Variants in COMMD10 observed in about 807,000 individuals in gnomAD.
The protein encoded by COMMD10 is COMM domain containing 10.
In COMMD10, 33 loss-of-function variants were observed where a neutral mutation model predicts 28.9. The ratio of observed to expected loss-of-function variants is 1.14; its 90% CI spans 0.87 to 1.53. The LOEUF (loss-of-function observed/expected upper bound fraction) is 1.53. Ranked by LOEUF, COMMD10 falls within the 40% of genes most tolerant of loss-of-function variation. COMMD10 has a pLI of 0.00. For missense variants in COMMD10, 310 were observed against 233.4 expected (o/e 1.33, Z -2.14); for synonymous variants, 110 against 81.7 (o/e 1.35, Z -1.87).
chr5:116,201,075 G>A (rs1748653284), intron 5 of COMMD10, among the ~76,000 whole-genome samples: 2 of 152,122 alleles, frequency 1.3e-5, no homozygotes, highest in African/African-American at 2.4e-5. Flanking sequence ...GATGGCTAGA[G>A]TGAGCTGGAG....
intron 4 of COMMD10, among the ~76,000 whole-genome samples, chr5:116,119,863 C>T (rs1477888375): frequency 2.0e-5 from 3 of 152,022 alleles, no homozygotes; most frequent in Non-Finnish European, 2.9e-5. Flanking sequence ...CAATTGGTCC[C>T]CCTGCCTCAG....
chr5:116,086,115 G>T (rs1203453822), intron 1 of COMMD10, among the ~76,000 whole-genome samples: 1 of 152,132 alleles, frequency 6.6e-6, no homozygotes, highest in African/African-American at 2.4e-5. Context: ...TTGGTTACTT[G>T]GTGTACTCCC....
chr5:116,151,318 C>T (rs1413552091), intron 5 of COMMD10, among the ~76,000 whole-genome samples: 2 of 151,838 alleles, frequency 1.3e-5, no homozygotes, highest in African/African-American at 2.4e-5. Context: ...GTCTAAAATT[C>T]TCTTTTTTGG....
At chr5:116,157,178 C>G (rs932245380) in intron 5 of COMMD10, among the ~76,000 whole-genome samples, 1 of 152,118 alleles carries the variant, frequency 6.6e-6, no homozygotes, top group Non-Finnish European at 1.5e-5. Flanking sequence ...CACTGTTTTT[C>G]AAGCTGAAGG....
chr5:116,268,536 A>G (rs1419803164), intron 5 of COMMD10, among the ~76,000 whole-genome samples: 2 of 151,964 alleles, frequency 1.3e-5, no homozygotes, highest in Non-Finnish European at 2.9e-5. Flanking sequence ...TGTGGAAGAC[A>G]GTGTGGCGAT....
In COMMD10 at chr5:116,134,138, AAG is replaced by A; in HGVS notation, c.471_472del (p.Gln157HisfsTer10). 6.2e-7 allele frequency: 1 copy of A among 1,611,562 alleles called. No homozygotes were observed. The highest frequency in any genetic ancestry group is 8.5e-7 in the Non-Finnish European group (1 of 1,177,632). On this transcript the variant is annotated frameshift_variant, in exon 5 of 7. Transcript: ENST00000274458. LOFTEE classifies it high-confidence loss of function. ...GCTCAAGCAAAACTAAAATCTCCTC[AAG>A]CTGTGTTACAACTCGGAGTGAACAA...
chr5:116,143,509 A>G (rs949626879), intron 5 of COMMD10, among the ~76,000 whole-genome samples: 3 of 151,762 alleles, frequency 2.0e-5, no homozygotes, highest in Non-Finnish European at 4.4e-5. Flanking sequence ...AGAAACAAAT[A>G]CTGTCTTCAC....
intron 5 of COMMD10, among the ~76,000 whole-genome samples, chr5:116,206,407 T>C (rs1220867074): frequency 6.6e-6 from 1 of 152,092 alleles, no homozygotes; most frequent in Non-Finnish European, 1.5e-5. Context: ...TCCCAGCACT[T>C]TGGGAGGCCA....
intron 5 of COMMD10, among the ~76,000 whole-genome samples, chr5:116,205,910 C>T (rs1447938303): frequency 6.6e-6 from 1 of 152,028 alleles, no homozygotes; most frequent in Admixed American, 6.6e-5. Flanking sequence ...TTTCTTATTT[C>T]CCGAAAACAC....
chr5:116,100,366 T>C (rs1750618520), intron 4 of COMMD10, among the ~76,000 whole-genome samples: 1 of 152,186 alleles, frequency 6.6e-6, no homozygotes, highest in Non-Finnish European at 1.5e-5. Flanking sequence ...GCTTTTGGTG[T>C]CCTATCCAAA....
At chr5:116,258,558 T>C (rs538238946) in intron 5 of COMMD10, among the ~76,000 whole-genome samples, 9 of 151,750 alleles carry the variant, frequency 5.9e-5, no homozygotes, top group Non-Finnish European at 5.9e-5. Context: ...TATTCTCACT[T>C]GATTGCTGAT....
At chr5:116,274,461 T>C (rs1750847790) in intron 5 of COMMD10, among the ~76,000 whole-genome samples, 1 of 151,686 alleles carries the variant, frequency 6.6e-6, no homozygotes, top group East Asian at 1.9e-4. Flanking sequence ...TGAAAGTAGG[T>C]CAGATTTTTC....
intron 5 of COMMD10, among the ~76,000 whole-genome samples, chr5:116,233,753 G>A (rs550800670): frequency 1.3e-5 from 2 of 152,228 alleles, no homozygotes; most frequent in African/African-American, 4.8e-5. Context: ...TCATGAACAA[G>A]GAGAGAGTTT....
chr5:116,200,709 A>G (rs973662099), intron 5 of COMMD10, among the ~76,000 whole-genome samples: 1 of 151,854 alleles, frequency 6.6e-6, no homozygotes, highest in South Asian at 2.1e-4. Flanking sequence ...ATTCAACGGC[A>G]TTCTTGATTT....
At chr5:116,182,179 A>G (rs1331064566) in intron 5 of COMMD10, among the ~76,000 whole-genome samples, 1 of 152,096 alleles carries the variant, frequency 6.6e-6, no homozygotes, top group African/African-American at 2.4e-5. Flanking sequence ...GCATTATTCA[A>G]GCAGACAATT....
intron 4 of COMMD10, among the ~76,000 whole-genome samples, chr5:116,118,761 A>C (rs1469702777): frequency 6.6e-6 from 1 of 152,208 alleles, no homozygotes; most frequent in Non-Finnish European, 1.5e-5. Flanking sequence ...AGGAAAAAAA[A>C]AAAGTGATGG....
At chr5:116,203,430 C>G (rs1748725159) in intron 5 of COMMD10, among the ~76,000 whole-genome samples, 1 of 151,878 alleles carries the variant, frequency 6.6e-6, no homozygotes, top group South Asian at 2.1e-4. Context: ...CTCCGAGACA[C>G]ATAATTGTCA....
At chr5:116,169,645 C>T (rs1030970004) in intron 5 of COMMD10, among the ~76,000 whole-genome samples, 58 of 152,158 alleles carry the variant, frequency 3.8e-4, no homozygotes, top group African/African-American at 1.4e-3. Context: ...CCACCATGAT[C>T]AAGTCAGCTT....
At chr5:116,215,871 G>T (rs1225519197) in intron 5 of COMMD10, among the ~76,000 whole-genome samples, 1 of 150,982 alleles carries the variant, frequency 6.6e-6, no homozygotes, top group Middle Eastern at 3.2e-3. Flanking sequence ...AATTAACATT[G>T]CTGTTGTGAA....
Sources: allele counts gnomAD v4.1 joint callset (sites outside exome capture counted in the v4.1 genomes callset), GRCh38; gene constraint gnomAD v4.1.1; transcripts MANE v1.5; gene names NCBI Gene and HGNC (gene_info 2026-07-23, HGNC 2026-07-21).